Variants in ABHD3 observed in about 807,000 individuals in gnomAD.
The protein encoded by ABHD3 is phospholipase ABHD3.
ABHD3 carries 46 observed loss-of-function variants against 48.8 expected under a neutral mutation model. The ratio of observed to expected loss-of-function variants is 0.94; its 90% CI spans 0.74 to 1.20. The LOEUF (loss-of-function observed/expected upper bound fraction) is 1.20. Among genes scored for constraint, ABHD3 ranks in the 50% most tolerant of loss-of-function variants. The pLI is 0.00. For synonymous variants in ABHD3, 192 were observed against 183.7 expected, an observed-to-expected ratio of 1.04 and a Z score of -0.36; for missense variants, 490 against 497.8, an observed-to-expected ratio of 0.98 and a Z score of 0.15.
At chr18:21,675,887 TCAGTTACA>T (rs962059703) in intron 4 of ABHD3, among the ~76,000 whole-genome samples, 1 of 152,166 alleles carries the variant, frequency 6.6e-6, no homozygotes, top group Non-Finnish European at 1.5e-5. Flanking sequence ...CAGCCAAATT[TCAGTTACA>T]CAGGAGGCAT....
chr18:21,703,231 G>T (rs2040555435), intron 2 of ABHD3, among the ~76,000 whole-genome samples: 1 of 24,728 alleles, frequency 4.0e-5, no homozygotes, highest in African/African-American at 1.6e-4. Flanking sequence ...CCCCCCCCCA[G>T]TATCTGCTAC....
intron 8 of ABHD3, among the ~76,000 whole-genome samples, chr18:21,653,052 CAAAAAAAAAAAAAAAAAA>C (rs745321830): frequency 2.0e-4 from 1 of 4,902 alleles, no homozygotes; most frequent in Admixed American, 3.2e-3. Context: ...GACTCCATCT[CAAAAAAAAAAAAAAAAAA>C]AAAAAAAAAA....
intron 4 of ABHD3, among the ~76,000 whole-genome samples, chr18:21,673,302 A>C (rs1051357060): frequency 6.6e-6 from 1 of 152,092 alleles, no homozygotes; most frequent in Non-Finnish European, 1.5e-5. Context: ...TCAGGGATCA[A>C]TATTTTTTGA....
intron 4 of ABHD3, among the ~76,000 whole-genome samples, chr18:21,678,264 G>A (rs1568151211): frequency 6.6e-6 from 1 of 152,104 alleles, no homozygotes; most frequent in Admixed American, 6.6e-5. Flanking sequence ...TCATGTATAA[G>A]TTATTGTGAG....
intron 4 of ABHD3, among the ~76,000 whole-genome samples, chr18:21,673,253 C>A (rs570771978): frequency 2.3e-4 from 35 of 152,182 alleles, no homozygotes; most frequent in African/African-American, 8.4e-4. Flanking sequence ...CTGGACTCCA[C>A]CCTTGACCAA....
rs952000932 is a variant in ABHD3 at position 21,651,003 on chromosome 18, A to G, written c.*588T>C. The G allele has an allele frequency of 6.7e-6, 1 of 149,574 alleles. No individual in the cohort carries two copies. The highest frequency in any genetic ancestry group is 2.4e-5 in the African/African-American group (1 of 41,234). 9.3% of individuals were successfully genotyped at this position (149,574 alleles called of 1,614,324 possible). ...TTATAATCATTATAAAACATAAGTT[A>G]GTCCTAATTTAATATTATCAGAGTA... is the stretch of plus-strand genomic sequence containing the variant. On this transcript the variant is annotated 3_prime_UTR_variant, in exon 9 of 9. Coordinates refer to ENST00000289119, the MANE Select transcript of ABHD3 (RefSeq NM_138340.5).
chr18:21,656,385 T>A (rs768723263), intron 8 of ABHD3, among the ~76,000 whole-genome samples: 2 of 152,142 alleles, frequency 1.3e-5, no homozygotes, highest in Non-Finnish European at 2.9e-5. Context: ...GGAAAGGATG[T>A]TTCTCTTTAA....
intron 5 of ABHD3, among the ~76,000 whole-genome samples, chr18:21,661,227 G>A (rs967115751): frequency 6.7e-6 from 1 of 150,182 alleles, no homozygotes. Context: ...AAGCAAACAA[G>A]ACTATTTGGG....
chr18:21,686,803 A>C (rs978905466), intron 3 of ABHD3, among the ~76,000 whole-genome samples: 3 of 152,216 alleles, frequency 2.0e-5, no homozygotes, highest in African/African-American at 7.2e-5. Flanking sequence ...GGGATGAGCA[A>C]CCAGCTCTTT....
intron 1 of ABHD3, 58 bp from the exon 2 acceptor site, chr18:21,703,805 A>G (rs2146344734): frequency 6.4e-7 from 1 of 1,570,616 alleles, no homozygotes; most frequent in Admixed American, 1.7e-5. Flanking sequence ...CCAACCGTAA[A>G]CCAGAAACCG....
At chr18:21,679,894 G>A (rs1327454243) in intron 4 of ABHD3, among the ~76,000 whole-genome samples, 1 of 151,286 alleles carries the variant, frequency 6.6e-6, no homozygotes, top group African/African-American at 2.4e-5. Flanking sequence ...GGCTGGTCTT[G>A]AACTCCTGGG....
intron 4 of ABHD3, chr18:21,683,564 C>G (rs748166297): frequency 2.0e-6 from 1 of 508,710 alleles, no homozygotes; most frequent in South Asian, 1.5e-5. Flanking sequence ...TCAGGAAAAG[C>G]TGGGTTGAGA....
chr18:21,678,514 T>C (rs937821911), intron 4 of ABHD3, among the ~76,000 whole-genome samples: 10 of 152,084 alleles, frequency 6.6e-5, no homozygotes, highest in Admixed American at 2.0e-4. Context: ...TGTCTACAGA[T>C]TTGCCTATTT....
chr18:21,667,845 T>C (rs1171780390), intron 4 of ABHD3, among the ~76,000 whole-genome samples: 2 of 152,050 alleles, frequency 1.3e-5, no homozygotes, highest in Admixed American at 6.6e-5. Context: ...TACTTTTTGA[T>C]TGAATGCACG....
chr18:21,692,260 A>C (rs573632152), intron 3 of ABHD3, among the ~76,000 whole-genome samples: 3 of 152,200 alleles, frequency 2.0e-5, no homozygotes, highest in Non-Finnish European at 2.9e-5. Flanking sequence ...CTACATTTCA[A>C]TCTTAACCCT....
chr18:21,691,800 A>G (rs1183713940), intron 3 of ABHD3, among the ~76,000 whole-genome samples: 1 of 152,212 alleles, frequency 6.6e-6, no homozygotes, highest in Non-Finnish European at 1.5e-5. Context: ...TTAAGCAACA[A>G]TCATGGGATT....
At chr18:21,694,538 T>C (rs1470655865) in intron 3 of ABHD3, among the ~76,000 whole-genome samples, 2 of 152,234 alleles carry the variant, frequency 1.3e-5, no homozygotes, top group South Asian at 4.1e-4. Flanking sequence ...CCTAATTCTG[T>C]CAAACCATAC....
At chr18:21,698,289 G>A (rs2040431963) in intron 3 of ABHD3, among the ~76,000 whole-genome samples, 2 of 151,794 alleles carry the variant, frequency 1.3e-5, no homozygotes, top group South Asian at 2.1e-4. Flanking sequence ...GGGTTCAAGC[G>A]ATTCTCCTGC....
chr18:21,704,380 T>G, intron 1 of ABHD3, 124 bp downstream of exon 1: 2 of 1,062,768 alleles, frequency 1.9e-6, no homozygotes, highest in South Asian at 9.3e-5. Flanking sequence ...GGGCTGCCGC[T>G]CGGGAGCAGC....
Sources: gnomAD v4.1 joint callset for allele counts (sites outside exome capture counted in the v4.1 genomes callset) on GRCh38, gnomAD v4.1.1 for gene constraint, MANE v1.5 for transcripts, NCBI Gene and HGNC (gene_info 2026-07-23, HGNC 2026-07-21) for gene names.